The following NEDD4 variants were observed in gnomAD, a reference collection of about 807,000 sequenced individuals.
NEDD4 encodes NEDD4 E3 ubiquitin protein ligase.
NEDD4 carries 99 observed loss-of-function variants against 144.9 expected under a neutral mutation model. That is an observed-to-expected ratio of 0.68 (90% CI 0.58 to 0.81). The LOEUF (loss-of-function observed/expected upper bound fraction) is 0.81, where lower values mean the gene tolerates loss of function less well. NEDD4 is among the 30% of genes least tolerant of loss of function. The pLI is 0.00. For missense variants in NEDD4, 985 were observed against 1,065.9 expected, an observed-to-expected ratio of 0.92 and a Z score of 1.06; for synonymous variants, 318 against 350.6, an observed-to-expected ratio of 0.91 and a Z score of 1.04.
At chr15:55,978,410 G>C (rs1423441269) in intron 1 of NEDD4, among the ~76,000 whole-genome samples, 2 of 152,036 alleles carry the variant, frequency 1.3e-5, no homozygotes, top group African/African-American at 4.8e-5. Flanking sequence ...TTTTATTCTA[G>C]AGAATTGTCA....
intron 1 of NEDD4, among the ~76,000 whole-genome samples, chr15:55,990,327 T>C (rs2140458781): frequency 6.6e-6 from 1 of 152,164 alleles, no homozygotes; most frequent in Non-Finnish European, 1.5e-5. Context: ...ACTGCAGTTC[T>C]AGAAGATCAG....
At chr15:55,957,737 G>C (rs1221745846) in intron 2 of NEDD4, among the ~76,000 whole-genome samples, 1 of 152,152 alleles carries the variant, frequency 6.6e-6, no homozygotes, top group Non-Finnish European at 1.5e-5. Context: ...GTCCATCAAT[G>C]ATAGACTGGA....
At chr15:55,918,415 T>C (rs1385326433) in intron 5 of NEDD4, among the ~76,000 whole-genome samples, 1 of 152,192 alleles carries the variant, frequency 6.6e-6, no homozygotes, top group Non-Finnish European at 1.5e-5. Flanking sequence ...ACCTAAATTT[T>C]ATAGCTGGAA....
chr15:55,893,712 A>C (rs1411119286), intron 5 of NEDD4, among the ~76,000 whole-genome samples: 1 of 150,758 alleles, frequency 6.6e-6, no homozygotes, highest in Non-Finnish European at 1.5e-5. Context: ...ATAAGAAACC[A>C]TATTTTTCTG....
At chr15:55,958,127 G>T (rs2037368204) in intron 2 of NEDD4, among the ~76,000 whole-genome samples, 1 of 148,508 alleles carries the variant, frequency 6.7e-6, no homozygotes, top group Non-Finnish European at 1.5e-5. Flanking sequence ...ATAAAAAAAA[G>T]ATGACTGTCT....
At chr15:55,989,314 G>A (rs2037951258) in intron 1 of NEDD4, among the ~76,000 whole-genome samples, 1 of 152,130 alleles carries the variant, frequency 6.6e-6, no homozygotes, top group Non-Finnish European at 1.5e-5. Context: ...CCTGCTCCAT[G>A]AAAAATACTT....
chr15:55,972,848 C>A (rs78987200), intron 1 of NEDD4, among the ~76,000 whole-genome samples: 2,242 of 151,944 alleles, frequency 0.015, 56 homozygotes, highest in African/African-American at 0.052. Context: ...TATATCAGAT[C>A]AAATAGATTT....
chr15:55,856,748 A>G (rs1020997278), intron 11 of NEDD4, among the ~76,000 whole-genome samples: 7 of 152,160 alleles, frequency 4.6e-5, no homozygotes, highest in Non-Finnish European at 7.3e-5. Flanking sequence ...CCACTTCGCA[A>G]TCTACCCCCT....
At position 55,848,427 on chromosome 15, in the gene NEDD4, A is replaced by C. The variant is rs375088434; in HGVS notation, c.1487T>G (p.Ile496Arg). The C allele has an allele frequency of 2.9e-5, 46 of 1,613,838 alleles. No individual in the cohort carries two copies. Among genetic ancestry groups the C allele is most frequent in the Middle Eastern group, 3.3e-4 (2 of 6,080 alleles). ...DGRIFYINHN[I>R]KRTQWEDPRL... is the part of the protein sequence containing the mutation. ...AGGATCTTCCCATTGTGTTCTTTTT[A>C]TATCTGAAGGGAAGAAAAAGAAAAA... Residue 496 changes from isoleucine to arginine, a missense_variant, in exon 17 of 29, where the codon ATA (isoleucine) becomes AGA (arginine). Physicochemically the swap from Ile to Arg is moderately conservative, Grantham distance 97. Coordinates refer to ENST00000435532, the MANE Select transcript of NEDD4 (RefSeq NM_006154.4).
chr15:55,949,785 A>G (rs1383988640), intron 4 of NEDD4, among the ~76,000 whole-genome samples: 1 of 152,020 alleles, frequency 6.6e-6, no homozygotes, highest in Non-Finnish European at 1.5e-5. Context: ...GGTACGTCAC[A>G]CACTGGGGCC....
chr15:55,892,312 ATAAATAAATAAT>A (rs1189859784), intron 5 of NEDD4, among the ~76,000 whole-genome samples: 5 of 122,948 alleles, frequency 4.1e-5, no homozygotes, highest in African/African-American at 6.1e-5. Context: ...AAATAAATAA[ATAAATAAATAAT>A]AAATATGAAT....
At chr15:55,963,234 C>T (rs529732762) in intron 2 of NEDD4, among the ~76,000 whole-genome samples, 30 of 151,204 alleles carry the variant, frequency 2.0e-4, no homozygotes, top group East Asian at 9.8e-4. Context: ...TGGGCTCCAG[C>T]GATCCTCCAA....
intron 1 of NEDD4, among the ~76,000 whole-genome samples, chr15:55,968,339 GGAAA>G (rs1356672024): frequency 2.6e-5 from 4 of 151,672 alleles, no homozygotes; most frequent in African/African-American, 7.3e-5. Context: ...TTTAGCATGT[GGAAA>G]GATTTAAAAA....
Position 55,865,693 on chromosome 15 carries a change from G to A in NEDD4, c.508-2614C>T, listed in dbSNP as rs576224107. On this transcript the variant is annotated intron_variant, in intron 8 of 28. Transcript: ENST00000435532. ...AAATGACTGCTGTGTGACAGGCAGT[G>A]GACGGCTTCCAAGATGGAAGAGAAT... Among the ~76,000 whole-genome samples, 5 of 152,196 alleles carry A rather than the reference G, an allele frequency of 3.3e-5. No individual in the cohort carries two copies. The South Asian group carries it at 1.0e-3, about 32-fold the overall frequency.
chr15:55,853,531 C>T (rs1260742258), intron 12 of NEDD4, among the ~76,000 whole-genome samples: 1 of 152,164 alleles, frequency 6.6e-6, no homozygotes, highest in Non-Finnish European at 1.5e-5. Context: ...AGGAATGGAG[C>T]TGAGATTTGA....
intron 4 of NEDD4, among the ~76,000 whole-genome samples, chr15:55,939,037 T>C (rs1317635395): frequency 6.6e-6 from 1 of 152,066 alleles, no homozygotes; most frequent in Admixed American, 6.6e-5. Flanking sequence ...GCCTAGAAGG[T>C]TGAGGCTGCA....
At position 55,846,887 on chromosome 15, in the gene NEDD4, A is replaced by G. The variant is rs1595741920; in HGVS notation, c.1608+82T>C. The G allele has an allele frequency of 7.7e-6, 7 of 914,824 alleles. No individual in the cohort carries two copies. The East Asian group carries it at 1.6e-4, about 21-fold the overall frequency. The allele number at this position is 914,824 out of a possible 1,614,324, so 56.7% of individuals were successfully genotyped here. A position where few individuals can be genotyped will look rare whatever the true frequency, so the allele number is the denominator to read the frequency against. On this transcript the variant is annotated intron_variant, in intron 18 of 28. Coordinates refer to ENST00000435532, the MANE Select transcript of NEDD4 (RefSeq NM_006154.4). ...CAAAGTTGTTACAAATATAGAACAA[A>G]TTATTACTGTAAAAAACATTTCCCA...
In NEDD4 at chr15:55,828,926, A is replaced by C. The variant is rs992016493; in HGVS notation, c.*971T>G. The C allele has an allele frequency of 1.9e-4, 29 of 152,682 alleles. No homozygotes were observed. Among genetic ancestry groups the C allele is most frequent in the Non-Finnish European group, 7.3e-5 (5 of 68,046 alleles). The allele number at this position is 152,682 out of a possible 1,614,324, so 9.5% of individuals were successfully genotyped here. A position where few individuals can be genotyped will look rare whatever the true frequency, so the allele number is the denominator to read the frequency against. On this transcript the variant is annotated 3_prime_UTR_variant, in exon 29 of 29. Coordinates refer to ENST00000435532, the MANE Select transcript of NEDD4 (RefSeq NM_006154.4). ...AAAATGCGACTACAGAAATTAGCTT[A>C]ATCTGTAAACATGATAAACCCTGTA... is the stretch of plus-strand genomic sequence containing the variant.
intron 5 of NEDD4, chr15:55,915,197 C>T: frequency 1.6e-6 from 2 of 1,264,092 alleles, no homozygotes; most frequent in Non-Finnish European, 2.1e-6. Flanking sequence ...ATATGTAAAA[C>T]TGCTTGGTTA....
Sources: allele counts gnomAD v4.1 joint callset (sites outside exome capture counted in the v4.1 genomes callset), GRCh38; gene constraint gnomAD v4.1.1; transcripts MANE v1.5; gene names NCBI Gene and HGNC (gene_info 2026-07-23, HGNC 2026-07-21).